SCAF8: variants seen among roughly 807,000 people sequenced by gnomAD.
SCAF8 encodes SR-related and CTD-associated factor 8.
In SCAF8, 23 loss-of-function variants were observed where a neutral mutation model predicts 140.5. That is an observed-to-expected ratio of 0.16 (90% CI 0.12 to 0.23). The LOEUF is 0.23. Ranked by LOEUF, SCAF8 falls within the 10% of genes least tolerant of loss-of-function variation. The pLI, the probability that SCAF8 is intolerant of heterozygous loss-of-function variation, is 1.00. For synonymous variants in SCAF8, 575 were observed against 528.9 expected (o/e 1.09, Z -1.20); for missense variants, 1,397 against 1,555.7 (o/e 0.90, Z 1.72).
intron 3 of SCAF8, among the ~76,000 whole-genome samples, chr6:154,784,200 T>G (rs1313741360): frequency 6.7e-6 from 1 of 148,750 alleles, no homozygotes; most frequent in Non-Finnish European, 1.5e-5. Context: ...ATTCTGTAAC[T>G]GGACTTTTAT....
chr6:154,778,130 A>G, intron 3 of SCAF8, 85 bp downstream of exon 3: 1 of 732,434 alleles, frequency 1.4e-6, no homozygotes, highest in Non-Finnish European at 2.3e-6. Flanking sequence ...CCCAAGTTTA[A>G]ATTGTTTTGA....
intron 1 of SCAF8, among the ~76,000 whole-genome samples, chr6:154,749,607 A>G (rs964226087): frequency 2.0e-5 from 3 of 152,198 alleles, no homozygotes; most frequent in East Asian, 1.9e-4. Context: ...TATACAGTAG[A>G]AAGGGTGGAG....
intron 2 of SCAF8, among the ~76,000 whole-genome samples, chr6:154,775,354 C>CT (rs1776886903): frequency 6.6e-6 from 1 of 152,128 alleles, no homozygotes; most frequent in Non-Finnish European, 1.5e-5. Flanking sequence ...TTCTCTTGTA[C>CT]TTTACTCTGC....
chr6:154,734,552 C>T (rs993643070), intron 1 of SCAF8, among the ~76,000 whole-genome samples: 3 of 152,036 alleles, frequency 2.0e-5, no homozygotes. Context: ...TAATCCATCA[C>T]GACATAAAGA....
At chr6:154,784,120 G>GATAT (rs72135986) in intron 3 of SCAF8, among the ~76,000 whole-genome samples, 1,897 of 106,262 alleles carry the variant, frequency 0.018, 23 homozygotes, top group Non-Finnish European at 0.025. Flanking sequence ...GGTGTCTTGA[G>GATAT]ATATATATAT....
intron 10 of SCAF8, 114 bp from the exon 11 acceptor site, chr6:154,808,572 C>A: frequency 1.4e-6 from 1 of 692,172 alleles, no homozygotes; most frequent in African/African-American, 1.8e-5. Flanking sequence ...ATTGGACACC[C>A]CTGTATTAGG....
At chr6:154,771,126 G>A (rs78704441) in intron 1 of SCAF8, among the ~76,000 whole-genome samples, 1,649 of 152,282 alleles carry the variant, frequency 0.011, 14 homozygotes, top group Non-Finnish European at 0.018. Flanking sequence ...ATCACCCTGT[G>A]ACATATCTTT....
intron 9 of SCAF8, among the ~76,000 whole-genome samples, chr6:154,805,817 T>TA (rs1554262547): frequency 1.3e-5 from 2 of 152,182 alleles, no homozygotes; most frequent in African/African-American, 4.8e-5. Context: ...AATTACCACT[T>TA]AAAACTAAAC....
chr6:154,775,751 TA>T (rs911024107), intron 2 of SCAF8, among the ~76,000 whole-genome samples: 43 of 152,014 alleles, frequency 2.8e-4, no homozygotes, highest in African/African-American at 9.4e-4. Context: ...AAAGTTTTTT[TA>T]AAAAAAGAAG....
At chr6:154,822,467 T>G in intron 16 of SCAF8, 58 bp downstream of exon 16, 1 of 1,519,504 alleles carries the variant, frequency 6.6e-7, no homozygotes, top group South Asian at 1.3e-5. Context: ...CTGTTTTTAA[T>G]CATGTATTTA....
chr6:154,763,289 T>C (rs114984976), intron 1 of SCAF8, among the ~76,000 whole-genome samples: 312 of 152,252 alleles, frequency 2.0e-3, no homozygotes, highest in African/African-American at 7.1e-3. Flanking sequence ...AGTATGAAGA[T>C]TGTGTTGGCT....
chr6:154,792,740 A>C, intron 4 of SCAF8, 83 bp from the exon 5 acceptor site: 1 of 881,636 alleles, frequency 1.1e-6, no homozygotes, highest in Non-Finnish European at 1.7e-6. Context: ...CTTTCCATCC[A>C]GGGCCCAGAT....
chr6:154,775,215 A>G (rs1294358693), intron 2 of SCAF8, among the ~76,000 whole-genome samples: 1 of 152,188 alleles, frequency 6.6e-6, no homozygotes, highest in Admixed American at 6.5e-5. Flanking sequence ...ATCAATAGTT[A>G]AAATCAGTGT....
At position 154,830,878 on chromosome 6, in the gene SCAF8, T is replaced by C. The variant is rs769627905; in HGVS notation, c.2141-44T>C. 12 of 1,464,382 alleles carry C rather than the reference T, an allele frequency of 8.2e-6. 1 individual carries two copies. Among genetic ancestry groups the C allele is most frequent in the South Asian group, 4.6e-5 (4 of 87,244 alleles). The allele number at this position is 1,464,382 out of a possible 1,614,324, so 90.7% of individuals were successfully genotyped here. On this transcript the variant is annotated intron_variant, in intron 18 of 19. Coordinates refer to ENST00000367178, the MANE Select transcript of SCAF8 (RefSeq NM_014892.5). The stretch of plus-strand genomic sequence containing the variant: ...ACTGCCAGAAAACTTAGCACATGAA[T>C]TGACTCATTAAATCTGAAATATATT...
intron 1 of SCAF8, among the ~76,000 whole-genome samples, chr6:154,757,245 T>C (rs1461517632): frequency 6.6e-6 from 1 of 152,186 alleles, no homozygotes; most frequent in African/African-American, 2.4e-5. Flanking sequence ...TCTGCCTGCC[T>C]TGGCCTCCCA....
At chr6:154,760,585 T>C (rs1252219430) in intron 1 of SCAF8, among the ~76,000 whole-genome samples, 3 of 152,198 alleles carry the variant, frequency 2.0e-5, no homozygotes, top group Non-Finnish European at 2.9e-5. Context: ...CTGTGTCTAT[T>C]AGTTTAGTAG....
chr6:154,797,399 T>C (rs968848482), intron 6 of SCAF8, among the ~76,000 whole-genome samples: 1 of 140,492 alleles, frequency 7.1e-6, no homozygotes. Context: ...TTATCAGTGA[T>C]TTTTTTTTTC....
chr6:154,742,809 A>T (rs1460243874), intron 1 of SCAF8, among the ~76,000 whole-genome samples: 1 of 152,184 alleles, frequency 6.6e-6, no homozygotes, highest in Non-Finnish European at 1.5e-5. Flanking sequence ...TATTAAGTTG[A>T]TGTATGACAA....
intron 6 of SCAF8, among the ~76,000 whole-genome samples, chr6:154,800,951 TACAA>T (rs1184570415): frequency 2.0e-5 from 3 of 151,432 alleles, no homozygotes; most frequent in East Asian, 3.8e-4. Flanking sequence ...AAAGGGATAG[TACAA>T]ACAGAGTCAG....
Sources: allele counts gnomAD v4.1 joint callset (sites outside exome capture counted in the v4.1 genomes callset), GRCh38; gene constraint gnomAD v4.1.1; transcripts MANE v1.5; gene names NCBI Gene and HGNC (gene_info 2026-07-23, HGNC 2026-07-21).